XPR1: variants seen among roughly 807,000 people sequenced by gnomAD.
XPR1 encodes solute carrier family 53 member 1.
In XPR1, 28 loss-of-function variants were observed where a neutral mutation model predicts 87.5. The observed-to-expected ratio is 0.32, with a 90% CI of 0.24 to 0.44. The LOEUF is 0.44. Ranked by LOEUF, XPR1 falls within the 20% of genes least tolerant of loss-of-function variation. The pLI is 1.00. For missense variants in XPR1, 559 were observed against 862.3 expected, an observed-to-expected ratio of 0.65 and a Z score of 4.41; for synonymous variants, 300 against 306.1, an observed-to-expected ratio of 0.98 and a Z score of 0.21.
chr1:180,663,895 G>A (rs1045369234), intron 1 of XPR1, among the ~76,000 whole-genome samples: 1 of 152,098 alleles, frequency 6.6e-6, no homozygotes, highest in African/African-American at 2.4e-5. Flanking sequence ...TCAGGCAGAG[G>A]AGTCTCCCCA....
chr1:180,716,777 C>G (rs926584249), intron 2 of XPR1, among the ~76,000 whole-genome samples: 4 of 152,156 alleles, frequency 2.6e-5, no homozygotes, highest in Non-Finnish European at 5.9e-5. Context: ...TTTGCTCTTT[C>G]AGCAGCTATT....
At chr1:180,817,355 G>A (rs145672765) in intron 7 of XPR1, among the ~76,000 whole-genome samples, 221 of 152,106 alleles carry the variant, frequency 1.5e-3, no homozygotes, top group African/African-American at 4.5e-3. Flanking sequence ...TATAAAGTCC[G>A]CAATAGTGTA....
At chr1:180,730,494 G>C (rs1183851893) in intron 2 of XPR1, among the ~76,000 whole-genome samples, 1 of 152,166 alleles carries the variant, frequency 6.6e-6, no homozygotes, top group Admixed American at 6.5e-5. Context: ...TTACTGTTTA[G>C]AAGAGGTGTT....
rs71579073 is a variant in XPR1, at chr1:180,840,566, GTATA to G, written c.1501+3871_1501+3874del. Among the ~76,000 whole-genome samples the G allele has an allele frequency of 3.6e-3, 494 of 136,364 alleles. 2 individuals are homozygous for G. The highest frequency in any genetic ancestry group is 0.01 in the African/African-American group (369 of 36,314). The allele number at this position is 136,364 out of a possible 152,430, so 89.5% of individuals were successfully genotyped here. ...TGTGTGTGTGTGTGTGTGTGTGTGT[GTATA>G]TATATATATATATATATATAAACTG... On this transcript the variant is annotated intron_variant, in intron 11 of 14. Transcript: ENST00000367590.
intron 11 of XPR1, among the ~76,000 whole-genome samples, chr1:180,863,057 G>A (rs1405285148): frequency 1.3e-5 from 2 of 152,106 alleles, no homozygotes; most frequent in African/African-American, 4.8e-5. Flanking sequence ...ACTTTATAGT[G>A]TTCCCAGCAA....
intron 1 of XPR1, among the ~76,000 whole-genome samples, chr1:180,680,285 G>C (rs975172620): frequency 1.3e-5 from 2 of 151,008 alleles, no homozygotes; most frequent in African/African-American, 2.4e-5. Flanking sequence ...TCTTATACTC[G>C]GTGGGAATGT....
chr1:180,706,089 G>C (rs1657547876), intron 2 of XPR1, among the ~76,000 whole-genome samples: 2 of 152,180 alleles, frequency 1.3e-5, no homozygotes, highest in South Asian at 4.1e-4. Flanking sequence ...GGTTATCACT[G>C]GAGAATAGTT....
intron 10 of XPR1, among the ~76,000 whole-genome samples, chr1:180,835,803 T>C (rs1301629034): frequency 6.6e-6 from 1 of 152,220 alleles, no homozygotes; most frequent in Non-Finnish European, 1.5e-5. Flanking sequence ...GGGTGTCTTG[T>C]GTTGTGGTGG....
At position 180,888,951 on chromosome 1, in the gene XPR1, T is replaced by C. The variant is rs978346389; in HGVS notation, c.*4885T>C. 1 of 152,212 alleles carries C rather than the reference T, an allele frequency of 6.6e-6. No individual in the cohort carries two copies. The highest frequency in any genetic ancestry group is 1.5e-5 in the Non-Finnish European group (1 of 68,038). 9.4% of individuals were successfully genotyped at this position (152,212 alleles called of 1,614,324 possible). On this transcript the variant is annotated 3_prime_UTR_variant, in exon 15 of 15. Transcript: ENST00000367590. ...TTAGGTTTGGAAGAGCCTAAGGTAG[T>C]CCATACAGGAAGTTTGCCTGAGAAC...
chr1:180,798,254 A>C (rs1301145441), intron 3 of XPR1, among the ~76,000 whole-genome samples: 1 of 152,106 alleles, frequency 6.6e-6, no homozygotes, highest in Non-Finnish European at 1.5e-5. Flanking sequence ...CATTTTTTTT[A>C]AAGGACCAAT....
chr1:180,724,849 G>C (rs1658283145), intron 2 of XPR1, among the ~76,000 whole-genome samples: 1 of 152,084 alleles, frequency 6.6e-6, no homozygotes, highest in South Asian at 2.1e-4. Context: ...AATATTATAA[G>C]ATGTATACAT....
At chr1:180,716,627 C>T (rs1010821299) in intron 2 of XPR1, among the ~76,000 whole-genome samples, 2 of 152,124 alleles carry the variant, frequency 1.3e-5, no homozygotes, top group Non-Finnish European at 2.9e-5. Flanking sequence ...ACCATCAGCC[C>T]TCTGCAGGTA....
intron 14 of XPR1, among the ~76,000 whole-genome samples, chr1:180,883,108 T>G (rs6691204): frequency 0.036 from 5,445 of 149,242 alleles, 376 homozygotes; most frequent in African/African-American, 0.13. Context: ...GGCTACAGGT[T>G]TGCACTATCA....
intron 2 of XPR1, among the ~76,000 whole-genome samples, chr1:180,711,383 T>A (rs1427906294): frequency 2.0e-5 from 3 of 152,222 alleles, no homozygotes; most frequent in Non-Finnish European, 4.4e-5. Flanking sequence ...AGGCCAAGGC[T>A]GGCAGATCAC....
At chr1:180,734,405 G>A (rs1447310762) in intron 2 of XPR1, among the ~76,000 whole-genome samples, 1 of 152,222 alleles carries the variant, frequency 6.6e-6, no homozygotes, top group Non-Finnish European at 1.5e-5. Flanking sequence ...TGAGGGGTAA[G>A]GAAGAGGAAT....
At chr1:180,830,754 C>CGT (rs1300851414) in intron 9 of XPR1, among the ~76,000 whole-genome samples, 4 of 152,136 alleles carry the variant, frequency 2.6e-5, no homozygotes, top group African/African-American at 7.2e-5. Flanking sequence ...CTTCACACAG[C>CGT]GCTTATCAAG....
At chr1:180,784,359 A>G (rs1204087664) in intron 2 of XPR1, among the ~76,000 whole-genome samples, 1 of 152,036 alleles carries the variant, frequency 6.6e-6, no homozygotes, top group Non-Finnish European at 1.5e-5. Context: ...TTCATTGGCC[A>G]TTTATATTTC....
intron 11 of XPR1, among the ~76,000 whole-genome samples, chr1:180,856,833 A>G (rs1293265044): frequency 6.6e-6 from 1 of 152,134 alleles, no homozygotes; most frequent in Non-Finnish European, 1.5e-5. Context: ...ACTGCTTTCA[A>G]TCTTTACACC....
intron 1 of XPR1, among the ~76,000 whole-genome samples, chr1:180,655,219 A>G (rs1424254087): frequency 2.0e-5 from 3 of 152,110 alleles, no homozygotes; most frequent in African/African-American, 4.8e-5. Context: ...TTATTTCTTC[A>G]TTGGAGAAAT....
Sources: allele counts gnomAD v4.1 joint callset (sites outside exome capture counted in the v4.1 genomes callset), GRCh38; gene constraint gnomAD v4.1.1; transcripts MANE v1.5; gene names NCBI Gene and HGNC (gene_info 2026-07-23, HGNC 2026-07-21).